The following SATB1 variants were observed in gnomAD, a reference collection of about 807,000 sequenced individuals.
SATB1 encodes the protein SATB homeobox 1.
SATB1 carries 11 observed loss-of-function variants against 86.9 expected under a neutral mutation model. The ratio of observed to expected loss-of-function variants is 0.13; its 90% CI spans 0.08 to 0.21. The LOEUF is 0.21. Among genes scored for constraint, SATB1 ranks in the 10% least tolerant of loss-of-function variants. The pLI, the probability that SATB1 is intolerant of heterozygous loss-of-function variation, is 1.00. For missense variants in SATB1, 551 were observed against 937.6 expected (o/e 0.59, Z 5.39); for synonymous variants, 357 against 357.2 (o/e 1.00, Z 0.01).
chr3:18,389,402 G>A (rs1020171068), intron 7 of SATB1, among the ~76,000 whole-genome samples: 2 of 151,364 alleles, frequency 1.3e-5, no homozygotes, highest in African/African-American at 4.9e-5. Flanking sequence ...AATTTTGGAT[G>A]CAAAATGACT....
rs372622951 is a variant in SATB1 at position 18,348,101 on chromosome 3, T to C, written c.*1069A>G. 2 of 152,626 alleles carry C rather than the reference T, an allele frequency of 1.3e-5. No individual in the cohort carries two copies. The highest frequency in any genetic ancestry group is 3.8e-4 in the East Asian group (2 of 5,200). 9.5% of individuals were successfully genotyped at this position (152,626 alleles called of 1,614,324 possible). Reference sequence around the variant, plus strand: ...AACTCATAAAAAAGAAATACACCTTTATACAGAAATTTTATACAGATGTAG... The same window carrying C: ...AACTCATAAAAAAGAAATACACCTTCATACAGAAATTTTATACAGATGTAG... On this transcript the variant is annotated 3_prime_UTR_variant, in exon 11 of 11. Transcript: ENST00000338745.
At chr3:18,425,633 G>A (rs957105771), upstream of SATB1, among the ~76,000 whole-genome samples, 12 of 151,848 alleles carry the variant, frequency 7.9e-5, no homozygotes, top group African/African-American at 2.9e-4. Context: ...GAGGCGGCCC[G>A]ACATTTATTA....
chr3:18,408,303 T>G (rs1697651291), intron 5 of SATB1, among the ~76,000 whole-genome samples: 1 of 151,966 alleles, frequency 6.6e-6, no homozygotes, highest in Admixed American at 6.6e-5. Context: ...ATGATGAAAC[T>G]CCAGCACCCC....
At chr3:18,427,587 GAAAT>G (rs1698750531), upstream of SATB1, among the ~76,000 whole-genome samples, 1 of 152,136 alleles carries the variant, frequency 6.6e-6, no homozygotes, top group Non-Finnish European at 1.5e-5. Context: ...TCATTTTACA[GAAAT>G]AAATAAGACA....
At chr3:18,398,377 C>A (rs944989705) in intron 5 of SATB1, among the ~76,000 whole-genome samples, 6 of 152,132 alleles carry the variant, frequency 3.9e-5, no homozygotes, top group African/African-American at 1.4e-4. Flanking sequence ...CTATCCCTCA[C>A]CCCTATGTGC....
At chr3:18,356,951 A>G (rs758611354) in intron 9 of SATB1, among the ~76,000 whole-genome samples, 2 of 151,904 alleles carry the variant, frequency 1.3e-5, no homozygotes. Flanking sequence ...TCTGAGAAAA[A>G]AAGTCATTTA....
intron 9 of SATB1, among the ~76,000 whole-genome samples, chr3:18,364,163 A>G (rs899890663): frequency 6.6e-6 from 1 of 152,180 alleles, no homozygotes; most frequent in Non-Finnish European, 1.5e-5. Flanking sequence ...TTATCTAATC[A>G]TTGATCTCAT....
chr3:18,349,066 G>A lies in SATB1; in HGVS notation c.*104C>T, dbSNP rs1335459461. 6 of 1,496,750 alleles carry A rather than the reference G, an allele frequency of 4.0e-6. No homozygotes were observed. The Admixed American group carries it at 7.3e-5, about 18-fold the overall frequency. The allele number at this position is 1,496,750 out of a possible 1,614,324, so 92.7% of individuals were successfully genotyped here. ...TGTGCAAGTTTTTGAAGATTCATTG[G>A]CCAAACAATGAACAACAAAGGTTTT... On this transcript the variant is annotated 3_prime_UTR_variant, in exon 11 of 11. Coordinates refer to ENST00000338745, the MANE Select transcript of SATB1 (RefSeq NM_002971.6). The surrounding 1 kb of genome is among the most constrained non-coding windows in gnomAD (Gnocchi z 5.5).
intron 5 of SATB1, among the ~76,000 whole-genome samples, chr3:18,414,108 C>A (rs1038148041): frequency 6.6e-6 from 1 of 152,008 alleles, no homozygotes; most frequent in Admixed American, 6.6e-5. Context: ...GTTCAAATGG[C>A]TAAGACTAAT....
intron 9 of SATB1, among the ~76,000 whole-genome samples, chr3:18,357,330 T>C (rs1179791077): frequency 6.6e-6 from 1 of 151,868 alleles, no homozygotes; most frequent in Non-Finnish European, 1.5e-5. Flanking sequence ...AAGTACATAA[T>C]CCATTAAATA....
At chr3:18,416,756 A>C in intron 3 of SATB1, 146 bp downstream of exon 3, 1 of 760,756 alleles carries the variant, frequency 1.3e-6, no homozygotes, top group South Asian at 2.4e-5. Flanking sequence ...AAACTGAATT[A>C]AGCCAATTTT....
intron 9 of SATB1, among the ~76,000 whole-genome samples, chr3:18,361,412 T>C (rs1375369383): frequency 6.6e-6 from 1 of 152,170 alleles, no homozygotes; most frequent in Non-Finnish European, 1.5e-5. Context: ...ATTTTATTGT[T>C]GTTATTATCA....
At chr3:18,400,457 T>C (rs1308853951) in intron 5 of SATB1, among the ~76,000 whole-genome samples, 1 of 152,210 alleles carries the variant, frequency 6.6e-6, no homozygotes, top group Non-Finnish European at 1.5e-5. Flanking sequence ...CTATGCTAAA[T>C]GGGAATGATA....
intron 10 of SATB1, chr3:18,351,678 A>T: frequency 2.0e-6 from 1 of 500,820 alleles, no homozygotes; most frequent in Admixed American, 3.6e-5. Flanking sequence ...TGTGATTTTT[A>T]AAAAACACAC....
intron 8 of SATB1, among the ~76,000 whole-genome samples, chr3:18,381,993 C>A (rs1390211426): frequency 6.6e-6 from 1 of 152,120 alleles, no homozygotes; most frequent in African/African-American, 2.4e-5. Flanking sequence ...CATTTTATAA[C>A]CACATAAGCA....
rs1276054695 is a variant in SATB1 at position 18,346,335 on chromosome 3, C to CTT, written c.*2833_*2834dup. 6.6e-6 allele frequency: 1 copy of CTT among 152,212 alleles called. No individual in the cohort carries two copies. The highest frequency in any genetic ancestry group is 2.4e-5 in the African/African-American group (1 of 41,538). The allele number at this position is 152,212 out of a possible 1,614,324, so 9.4% of individuals were successfully genotyped here. On this transcript the variant is annotated 3_prime_UTR_variant, in exon 11 of 11. Transcript: ENST00000338745. ...GTAAACTACCTGACTCTGCTAAGGT[C>CTT]TTAACAGCACAAAACGCTATGTCAT...
At chr3:18,368,629 G>A (rs1260548631) in intron 9 of SATB1, among the ~76,000 whole-genome samples, 1 of 152,142 alleles carries the variant, frequency 6.6e-6, no homozygotes, top group Non-Finnish European at 1.5e-5. Context: ...CCTTCTCTCA[G>A]TTGGACAGCA....
In SATB1 at chr3:18,397,686, T is replaced by C. The variant is rs1447745940; in HGVS notation, c.640-396A>G. Among the ~76,000 whole-genome samples the C allele has an allele frequency of 2.6e-5, 4 of 152,328 alleles. No individual in the cohort carries two copies. The East Asian group carries it at 5.8e-4, about 22-fold the overall frequency. The stretch of plus-strand genomic sequence containing the variant: ...TTTTTTGACTGGACTCTACATCTTT[T>C]CTACTCAAAGTATAGACCAGGGACC... On this transcript the variant is annotated intron_variant, in intron 5 of 10. Transcript: ENST00000338745.
chr3:18,434,409 C>T (rs1226700582), intron 2 of SATB1, among the ~76,000 whole-genome samples: 1 of 151,670 alleles, frequency 6.6e-6, no homozygotes, highest in Non-Finnish European at 1.5e-5. Context: ...AAAATATACA[C>T]ATAGCATAAC....
Sources: allele counts gnomAD v4.1 joint callset (sites outside exome capture counted in the v4.1 genomes callset), GRCh38; gene constraint gnomAD v4.1.1; non-coding constraint Gnocchi (gnomAD v3.1); transcripts MANE v1.5; gene names NCBI Gene and HGNC (gene_info 2026-07-23, HGNC 2026-07-21).